STK32B: variants seen among roughly 807,000 people sequenced by gnomAD.
The protein encoded by STK32B is serine/threonine-protein kinase 32B.
A neutral mutation model predicts 52.6 loss-of-function variants in STK32B; 43 were observed. The ratio of observed to expected loss-of-function variants is 0.82; its 90% CI spans 0.64 to 1.05. The LOEUF (loss-of-function observed/expected upper bound fraction) is 1.05. Among genes scored for constraint, STK32B ranks in the 50% least tolerant of loss-of-function variants. The probability of loss-of-function intolerance (pLI) is 0.00; values close to 1 mark genes in which losing one functional copy is unlikely to be tolerated. For missense variants in STK32B, 621 were observed against 534.6 expected (o/e 1.16, Z -1.59); for synonymous variants, 238 against 204.3 (o/e 1.17, Z -1.41).
intron 6 of STK32B, among the ~76,000 whole-genome samples, chr4:5,444,949 C>T (rs926311956): frequency 6.6e-6 from 1 of 152,148 alleles, no homozygotes; most frequent in Non-Finnish European, 1.5e-5. Flanking sequence ...TTCCCAAGTG[C>T]ACCATTCCAC....
chr4:5,225,617 G>T (rs1050987666), intron 3 of STK32B, among the ~76,000 whole-genome samples: 38 of 152,196 alleles, frequency 2.5e-4, no homozygotes, highest in Admixed American at 2.3e-3. Flanking sequence ...GAACCTTAGA[G>T]GGCTGGTGAT....
chr4:5,250,459 T>C (rs980013186), intron 3 of STK32B, among the ~76,000 whole-genome samples: 1 of 151,968 alleles, frequency 6.6e-6, no homozygotes, highest in Non-Finnish European at 1.5e-5. Context: ...ATTACATGCA[T>C]GTATCACTAC....
At chr4:5,257,250 AGTGAATGAATGAGTGAATGATGAAGTG>A (rs1277563239) in intron 3 of STK32B, among the ~76,000 whole-genome samples, 4 of 151,958 alleles carry the variant, frequency 2.6e-5, no homozygotes, top group African/African-American at 9.7e-5. Context: ...TGAATGATTG[AGTGAATGAATGAGTGAATGATGAAGTG>A]AGTGAGTAAA....
intron 3 of STK32B, among the ~76,000 whole-genome samples, chr4:5,289,080 A>C (rs1343225063): frequency 6.6e-6 from 1 of 152,240 alleles, no homozygotes; most frequent in Non-Finnish European, 1.5e-5. Context: ...AATATCACAG[A>C]GTATACTTGC....
the STK32B span, among the ~76,000 whole-genome samples, chr4:5,035,264 A>G: frequency 6.6e-6 from 1 of 152,236 alleles, no homozygotes; most frequent in Non-Finnish European, 1.5e-5. Flanking sequence ...TGAAGACATG[A>G]ATCTGTGAAT....
At chr4:5,081,093 A>G (rs1378734482) in intron 1 of STK32B, among the ~76,000 whole-genome samples, 2 of 152,190 alleles carry the variant, frequency 1.3e-5, no homozygotes, top group Non-Finnish European at 2.9e-5. Context: ...CATAATGTCC[A>G]TCAGTTTCAT....
rs566604238 is a variant in STK32B at position 5,166,548 on chromosome 4, T to C, written c.109-1751T>C. Among the ~76,000 whole-genome samples the C allele has an allele frequency of 5.4e-5, 8 of 148,600 alleles. No homozygotes were observed. The East Asian group carries it at 1.6e-3, about 30-fold the overall frequency. Reference sequence around the variant, plus strand: ...TAAGAAGATGAATGACACAGAGACGTAGGGGAGGATGCCATGTGACAACAG... The same window carrying C: ...TAAGAAGATGAATGACACAGAGACGCAGGGGAGGATGCCATGTGACAACAG... On this transcript the variant is annotated intron_variant, in intron 2 of 11. Transcript: ENST00000282908.
rs114124156 is a variant in STK32B at position 5,092,185 on chromosome 4, A to G, written c.52+40270A>G. Among the ~76,000 whole-genome samples the G allele has an allele frequency of 9.6e-3, 1,457 of 152,336 alleles. 8 individuals are homozygous for G. The highest frequency in any genetic ancestry group is 0.013 in the Non-Finnish European group (913 of 68,040). On this transcript the variant is annotated intron_variant, in intron 1 of 11. Coordinates refer to ENST00000282908, the MANE Select transcript of STK32B (RefSeq NM_018401.3). ...GCCCAATATTGTTATGCTCAAGTTC[A>G]ATGAATTGTACACTTTAAAATGGTA...
At chr4:5,071,587 T>G (rs1466702183) in intron 1 of STK32B, among the ~76,000 whole-genome samples, 3 of 152,222 alleles carry the variant, frequency 2.0e-5, no homozygotes, top group African/African-American at 7.2e-5. Flanking sequence ...CATGTCATAT[T>G]TAATAAGTTT....
rs537354026 is a variant in STK32B, at chr4:5,219,248, C to T, written c.260+50798C>T. On this transcript the variant is annotated intron_variant, in intron 3 of 11. Transcript: ENST00000282908. ...ACAGTCTTGGGGCAGATGCTGGCCTCTGGAGGCCCTGGGTGGCCAGGCCCC... is the reference window on the plus strand; with the variant it reads ...ACAGTCTTGGGGCAGATGCTGGCCTTTGGAGGCCCTGGGTGGCCAGGCCCC... Among the ~76,000 whole-genome samples, 16 of 152,350 alleles carry T rather than the reference C, an allele frequency of 1.1e-4. No individual in the cohort carries two copies. In the South Asian group the frequency reaches 3.3e-3, roughly 32 times the overall value.
Position 5,345,501 on chromosome 4 carries a change from T to C in STK32B, c.434+14108T>C, listed in dbSNP as rs549455706. On this transcript the variant is annotated intron_variant, in intron 4 of 11. Transcript: ENST00000282908. ...TTGGAAATTAGAAAACAAAATTGTT[T>C]ATGAGACATTAGACCATAATGATAA... 2.6e-5 allele frequency: 4 copies of C among 152,356 alleles called. No homozygotes were observed. The East Asian group carries it at 7.7e-4, about 29-fold the overall frequency. 9.4% of individuals were successfully genotyped at this position (152,356 alleles called of 1,614,324 possible). A position where few individuals can be genotyped will look rare whatever the true frequency, so the allele number is the denominator to read the frequency against.
intron 3 of STK32B, among the ~76,000 whole-genome samples, chr4:5,317,362 T>A (rs1490105990): frequency 2.4e-5 from 2 of 84,108 alleles, no homozygotes; most frequent in Non-Finnish European, 3.8e-5. Flanking sequence ...ATATATATAA[T>A]GTATATGTAT....
At chr4:5,343,266 A>G (rs1178917146) in intron 4 of STK32B, among the ~76,000 whole-genome samples, 1 of 152,070 alleles carries the variant, frequency 6.6e-6, no homozygotes, top group African/African-American at 2.4e-5. Context: ...ATGTCCCTAC[A>G]AAGGACATGA....
At chr4:5,020,859 C>T in the STK32B span, among the ~76,000 whole-genome samples, 1 of 152,208 alleles carries the variant, frequency 6.6e-6, no homozygotes, top group African/African-American at 2.4e-5. Context: ...GGGTTATTCC[C>T]AATTCCCAGG....
intron 6 of STK32B, among the ~76,000 whole-genome samples, chr4:5,426,333 CAT>C (rs1713087731): frequency 6.6e-6 from 1 of 152,142 alleles, no homozygotes; most frequent in Non-Finnish European, 1.5e-5. Flanking sequence ...TGGTGTTGAG[CAT>C]CTTTTTGCTT....
chr4:5,082,657 A>G (rs937766985), intron 1 of STK32B, among the ~76,000 whole-genome samples: 8 of 152,108 alleles, frequency 5.3e-5, no homozygotes, highest in Non-Finnish European at 1.0e-4. Context: ...TTGTCTGCCC[A>G]GGTTCTTTGT....
intron 6 of STK32B, among the ~76,000 whole-genome samples, chr4:5,423,672 G>A (rs1371865274): frequency 6.6e-6 from 1 of 152,206 alleles, no homozygotes; most frequent in Non-Finnish European, 1.5e-5. Context: ...GTTCACTGCA[G>A]GGGCTGGGTT....
intron 3 of STK32B, among the ~76,000 whole-genome samples, chr4:5,219,415 A>T (rs192928344): frequency 1.3e-5 from 2 of 152,372 alleles, no homozygotes; most frequent in Admixed American, 1.3e-4. Context: ...AAGCCCAGAA[A>T]AAGAGAAGAG....
chr4:5,113,863 C>G (rs932778746), intron 1 of STK32B, among the ~76,000 whole-genome samples: 6 of 152,080 alleles, frequency 3.9e-5, no homozygotes, highest in Non-Finnish European at 7.4e-5. Flanking sequence ...GCAAGGAGGA[C>G]CGAATCACAT....
Sources: allele counts gnomAD v4.1 joint callset (sites outside exome capture counted in the v4.1 genomes callset), GRCh38; gene constraint gnomAD v4.1.1; transcripts MANE v1.5; gene names NCBI Gene and HGNC (gene_info 2026-07-23, HGNC 2026-07-21).